The following PLXDC2 variants were observed in gnomAD, a reference collection of about 807,000 sequenced individuals.
PLXDC2 encodes plexin domain containing 2.
A neutral mutation model predicts 68.9 loss-of-function variants in PLXDC2; 40 were observed. The observed-to-expected ratio is 0.58, with a 90% confidence interval of 0.45 to 0.76. The LOEUF is 0.76. Among genes scored for constraint, PLXDC2 ranks in the 30% least tolerant of loss-of-function variants. The probability of loss-of-function intolerance (pLI) is 0.00; values close to 1 mark genes in which losing one functional copy is unlikely to be tolerated. For missense variants in PLXDC2, 644 were observed against 661.9 expected (o/e 0.97, Z 0.30); for synonymous variants, 243 against 234.2 (o/e 1.04, Z -0.34).
chr10:20,022,868 T>C (rs1835335886), intron 2 of PLXDC2, among the ~76,000 whole-genome samples: 1 of 152,008 alleles, frequency 6.6e-6, no homozygotes, highest in Non-Finnish European at 1.5e-5. Context: ...GAATAAAATA[T>C]GTTAATACTT....
chr10:20,058,404 A>C (rs888494647), intron 3 of PLXDC2, among the ~76,000 whole-genome samples: 2 of 152,116 alleles, frequency 1.3e-5, no homozygotes, highest in African/African-American at 4.8e-5. Context: ...CATTGAGTAT[A>C]TTATTTACTC....
At chr10:20,240,632 G>A (rs1021066204) in intron 12 of PLXDC2, among the ~76,000 whole-genome samples, 1 of 138,678 alleles carries the variant, frequency 7.2e-6, no homozygotes, top group African/African-American at 2.7e-5. Context: ...GCTAATATAC[G>A]TTCATCTAAA....
chr10:19,916,142 T>C (rs1306783560), intron 1 of PLXDC2, among the ~76,000 whole-genome samples: 3 of 149,384 alleles, frequency 2.0e-5, no homozygotes, highest in Non-Finnish European at 4.5e-5. Flanking sequence ...TTTTGTTTTT[T>C]TTTTTTAATG....
intron 4 of PLXDC2, among the ~76,000 whole-genome samples, chr10:20,110,405 A>G (rs1013132888): frequency 2.0e-5 from 3 of 152,146 alleles, no homozygotes; most frequent in Non-Finnish European, 4.4e-5. Flanking sequence ...CTCTCCCGCA[A>G]TCTTTCTCAC....
chr10:19,885,494 G>A (rs1422183539), intron 1 of PLXDC2, among the ~76,000 whole-genome samples: 2 of 152,142 alleles, frequency 1.3e-5, no homozygotes, highest in African/African-American at 2.4e-5. Flanking sequence ...TAGGTCTAAC[G>A]TTTAAGTCTT....
chr10:19,909,087 T>C (rs557647988), intron 1 of PLXDC2, among the ~76,000 whole-genome samples: 2 of 152,300 alleles, frequency 1.3e-5, no homozygotes, highest in East Asian at 3.9e-4. Flanking sequence ...TATCAACCTC[T>C]CATGAATTTA....
chr10:20,019,543 C>T (rs1236812422), intron 2 of PLXDC2, among the ~76,000 whole-genome samples: 1 of 152,054 alleles, frequency 6.6e-6, no homozygotes, highest in Admixed American at 6.6e-5. Context: ...TTTTAGGAGG[C>T]AATTAAGGTT....
At chr10:20,136,433 A>C (rs1230865517) in intron 4 of PLXDC2, among the ~76,000 whole-genome samples, 1 of 152,208 alleles carries the variant, frequency 6.6e-6, no homozygotes, top group Non-Finnish European at 1.5e-5. Flanking sequence ...GCAAAACATA[A>C]TTTGAATTGT....
At chr10:19,955,806 G>T (rs564432257) in intron 1 of PLXDC2, among the ~76,000 whole-genome samples, 6 of 152,148 alleles carry the variant, frequency 3.9e-5, no homozygotes, top group African/African-American at 1.2e-4. Flanking sequence ...TTGGCTGGGC[G>T]TGGTGGCTCA....
chr10:19,938,522 A>G (rs994681130), intron 1 of PLXDC2, among the ~76,000 whole-genome samples: 3 of 152,082 alleles, frequency 2.0e-5, no homozygotes, highest in African/African-American at 7.2e-5. Flanking sequence ...GCGGGGGGCT[A>G]TACAATTTGA....
intron 1 of PLXDC2, among the ~76,000 whole-genome samples, chr10:19,984,247 A>G (rs1834599063): frequency 6.6e-6 from 1 of 152,116 alleles, no homozygotes; most frequent in Non-Finnish European, 1.5e-5. Context: ...GTGTTGGGGC[A>G]GGTGTGTCCT....
intron 12 of PLXDC2, among the ~76,000 whole-genome samples, chr10:20,240,718 A>ACT (rs1835503257): frequency 6.6e-6 from 1 of 151,724 alleles, no homozygotes; most frequent in African/African-American, 2.4e-5. Context: ...AGCCAAAAAA[A>ACT]AAAAAAAAAA....
At chr10:19,985,625 C>T (rs948436132) in intron 1 of PLXDC2, among the ~76,000 whole-genome samples, 5 of 152,208 alleles carry the variant, frequency 3.3e-5, no homozygotes. Context: ...TAACAAGTAA[C>T]TCATCAAATT....
At chr10:19,883,765 T>G (rs75169990) in intron 1 of PLXDC2, among the ~76,000 whole-genome samples, 12,583 of 151,970 alleles carry the variant, frequency 0.083, 651 homozygotes, top group Non-Finnish European at 0.12. Flanking sequence ...TTGTATTAAA[T>G]TCTATGTGCC....
chr10:20,167,460 C>T (rs928300232), intron 7 of PLXDC2, among the ~76,000 whole-genome samples: 3 of 152,056 alleles, frequency 2.0e-5, no homozygotes. Context: ...GAATTTAGAC[C>T]GATATTAAGT....
Position 20,223,474 on chromosome 10 carries a change from G to A in PLXDC2, c.1312+4372G>A, listed in dbSNP as rs538042309. Among the ~76,000 whole-genome samples, 66 of 151,892 alleles carry A rather than the reference G, an allele frequency of 4.3e-4. No individual in the cohort carries two copies. In the South Asian group the frequency reaches 9.2e-3, roughly 21 times the overall value. ...ACTACAGGTGTGTGCCACTACACCCGGCTAATTTTGTATTTTTAGTAGAGA... is the reference window on the plus strand; with the variant it reads ...ACTACAGGTGTGTGCCACTACACCCAGCTAATTTTGTATTTTTAGTAGAGA... On this transcript the variant is annotated intron_variant, in intron 12 of 13. Transcript: ENST00000377252.
intron 1 of PLXDC2, among the ~76,000 whole-genome samples, chr10:19,856,517 G>A (rs1837217760): frequency 6.6e-6 from 1 of 152,034 alleles, no homozygotes. Context: ...TGGGCATTGA[G>A]AACTTTCTCC....
At position 20,044,213 on chromosome 10, in the gene PLXDC2, CTT is replaced by C. The variant is rs1564293872; in HGVS notation, c.325-2654_325-2653del. On this transcript the variant is annotated intron_variant, in intron 2 of 13. Coordinates refer to ENST00000377252, the MANE Select transcript of PLXDC2 (RefSeq NM_032812.9). ...TCTTTCTCTCTCTCTCTCTCTCTGT[CTT>C]TCTTTCTTTCTTTCTTTCTTTCTTT... is the stretch of plus-strand genomic sequence containing the variant. Among the ~76,000 whole-genome samples the C allele has an allele frequency of 7.7e-3, 51 of 6,618 alleles. No homozygotes were observed. In the East Asian group the frequency reaches 0.082, roughly 11 times the overall value. 4.3% of individuals were successfully genotyped at this position (6,618 alleles called of 152,430 possible). A position where few individuals can be genotyped will look rare whatever the true frequency, so the allele number is the denominator to read the frequency against.
intron 1 of PLXDC2, among the ~76,000 whole-genome samples, chr10:19,984,506 T>C (rs745621548): frequency 2.0e-5 from 3 of 152,210 alleles, no homozygotes; most frequent in African/African-American, 7.2e-5. Flanking sequence ...TCTGGGGAAA[T>C]GTAAGAGAAA....
Sources: allele counts gnomAD v4.1 joint callset (sites outside exome capture counted in the v4.1 genomes callset), GRCh38; gene constraint gnomAD v4.1.1; transcripts MANE v1.5; gene names NCBI Gene and HGNC (gene_info 2026-07-23, HGNC 2026-07-21).